Variants in SFI1 observed in about 807,000 individuals in gnomAD.
SFI1 encodes protein SFI1 homolog.
SFI1 carries 195 observed loss-of-function variants against 207.5 expected under a neutral mutation model. The observed-to-expected ratio is 0.94, with a 90% confidence interval of 0.84 to 1.06. The LOEUF (loss-of-function observed/expected upper bound fraction) is 1.06, where lower values mean the gene tolerates loss of function less well. Ranked by LOEUF, SFI1 falls within the 50% of genes least tolerant of loss-of-function variation. The pLI, the probability that SFI1 is intolerant of heterozygous loss-of-function variation, is 0.00. For synonymous variants in SFI1, 630 were observed against 598.9 expected (o/e 1.05, Z -0.76); for missense variants, 1,634 against 1,588.0 (o/e 1.03, Z -0.49).
intron 7 of SFI1, among the ~76,000 whole-genome samples, chr22:31,559,041 A>G (rs1411936397): frequency 6.6e-6 from 1 of 151,740 alleles, no homozygotes; most frequent in Non-Finnish European, 1.5e-5. Context: ...TCCTGACCTC[A>G]GATGATCCAC....
intron 14 of SFI1, among the ~76,000 whole-genome samples, chr22:31,589,234 G>A (rs1603244404): frequency 7.3e-6 from 1 of 136,254 alleles, no homozygotes. Flanking sequence ...GTGTGTGTGT[G>A]TAGAAATGTT....
chr22:31,554,766 C>G (rs2060998982), intron 6 of SFI1, among the ~76,000 whole-genome samples: 1 of 151,992 alleles, frequency 6.6e-6, no homozygotes, highest in African/African-American at 2.4e-5. Flanking sequence ...GCCACCACGC[C>G]CGGCTAATTT....
intron 15 of SFI1, among the ~76,000 whole-genome samples, chr22:31,595,959 TG>T (rs2067039959): frequency 2.0e-5 from 3 of 152,278 alleles, no homozygotes; most frequent in Admixed American, 2.0e-4. Flanking sequence ...ATCTTTAATC[TG>T]GAGGATTTCA....
rs758952604 is a variant in SFI1 at position 31,614,797 on chromosome 22, C to G, written c.3005C>G (p.Ala1002Gly). Residue 1002 changes from alanine to glycine, a missense_variant, in exon 28 of 33, where the codon GCC becomes GGC. By Grantham distance (60) the Ala-to-Gly change is moderately conservative. Coordinates refer to ENST00000400288, the MANE Select transcript of SFI1 (RefSeq NM_001007467.3). ...EEPHALELNT[A>G]HSARKQPRRP... Reference sequence around the variant, plus strand: ...CCCATGTTTCTTTCCAGCAACACTGCCCACTCAGCGAGGAAGCAGCCGCGA... The same window carrying G: ...CCCATGTTTCTTTCCAGCAACACTGGCCACTCAGCGAGGAAGCAGCCGCGA... 1.9e-6 allele frequency: 3 copies of G among 1,613,892 alleles called. No individual in the cohort carries two copies. The Admixed American group carries it at 5.0e-5, about 27-fold the overall frequency.
At chr22:31,574,778 C>T (rs1187991733) in intron 9 of SFI1, among the ~76,000 whole-genome samples, 1 of 151,940 alleles carries the variant, frequency 6.6e-6, no homozygotes, top group East Asian at 1.9e-4. Context: ...GTATTTTGGC[C>T]GGGCGCGGTG....
rs1169314189 is a variant in SFI1 at position 31,578,432 on chromosome 22, C to T, written c.1135C>T (p.His379Tyr). The T allele has an allele frequency of 6.2e-7, 1 of 1,613,494 alleles. No individual in the cohort carries two copies. The highest frequency in any genetic ancestry group is 8.5e-7 in the Non-Finnish European group (1 of 1,179,718). Residue 379 changes from histidine (H) to tyrosine (Y), a missense_variant, in exon 11 of 33, where the codon CAC (histidine) becomes TAC (tyrosine). Physicochemically the swap from His to Tyr is moderately conservative, Grantham distance 83. Coordinates refer to ENST00000400288, the MANE Select transcript of SFI1 (RefSeq NM_001007467.3). ...TGCCCAGTTTGAGATGGCAGAAGAG[C>T]ACCACAGGCACAGCCAGCTGGTAAG... ...EAAQFEMAEE[H>Y]HRHSQLYFCF...
intron 2 of SFI1, among the ~76,000 whole-genome samples, chr22:31,515,016 A>C (rs2056286092): frequency 6.6e-6 from 1 of 151,930 alleles, no homozygotes; most frequent in Admixed American, 6.6e-5. Flanking sequence ...ATGATTGCCC[A>C]CCTCAGCCTC....
At chr22:31,537,827 G>A (rs2059132768) in intron 4 of SFI1, among the ~76,000 whole-genome samples, 1 of 152,102 alleles carries the variant, frequency 6.6e-6, no homozygotes, top group South Asian at 2.1e-4. Context: ...GGAACATTGG[G>A]CATCCTGATC....
chr22:31,599,483 C>T (rs1480626006), intron 15 of SFI1, among the ~76,000 whole-genome samples: 4 of 152,216 alleles, frequency 2.6e-5, no homozygotes, highest in South Asian at 2.1e-4. Context: ...CACGCCACCA[C>T]GCCCAGCTAA....
chr22:31,568,080 G>T (rs540204044), intron 8 of SFI1, among the ~76,000 whole-genome samples: 92 of 150,468 alleles, frequency 6.1e-4, no homozygotes, highest in Non-Finnish European at 9.0e-4. Flanking sequence ...CAATAGAAAA[G>T]AAAAGATTAC....
intron 4 of SFI1, among the ~76,000 whole-genome samples, chr22:31,540,791 A>G (rs1350569792): frequency 3.3e-5 from 5 of 150,834 alleles, no homozygotes; most frequent in Admixed American, 1.3e-4. Flanking sequence ...CATGTTGGCC[A>G]GGCCGGTCTC....
chr22:31,572,336 T>C (rs930968502), intron 8 of SFI1, among the ~76,000 whole-genome samples: 1 of 152,154 alleles, frequency 6.6e-6, no homozygotes, highest in Non-Finnish European at 1.5e-5. Context: ...TTATAGACCC[T>C]TGTAGACCCT....
intron 19 of SFI1, 87 bp from the exon 20 acceptor site, chr22:31,604,782 C>T: frequency 2.4e-6 from 3 of 1,239,442 alleles, no homozygotes; most frequent in Non-Finnish European, 3.4e-6. Context: ...GGCATGGCAG[C>T]CTTGTGGTAG....
At chr22:31,582,201 ACATTTT>A (rs1229434544) in intron 12 of SFI1, among the ~76,000 whole-genome samples, 3 of 13,044 alleles carry the variant, frequency 2.3e-4, no homozygotes, top group Non-Finnish European at 4.7e-4. Flanking sequence ...CTTCTTTATT[ACATTTT>A]ATATATATAT....
In SFI1 at chr22:31,572,279, C is replaced by T. The variant is rs572961826; in HGVS notation, c.766-779C>T. 4.1e-4 allele frequency among the ~76,000 whole-genome samples: 63 copies of T among 152,174 alleles called. 1 individual carries two copies. In the South Asian group the frequency reaches 8.3e-3, roughly 20 times the overall value. ...AAAGATATGAAGTCTTTGTCTAAGT[C>T]GTCTTCAGATTAGGACATGCATTAT... On this transcript the variant is annotated intron_variant, in intron 8 of 32. Coordinates refer to ENST00000400288, the MANE Select transcript of SFI1 (RefSeq NM_001007467.3).
chr22:31,607,381 T>C (rs1164951285), intron 21 of SFI1, among the ~76,000 whole-genome samples: 1 of 152,006 alleles, frequency 6.6e-6, no homozygotes, highest in African/African-American at 2.4e-5. Flanking sequence ...GTCGGGTGGA[T>C]CACTTGGGGT....
chr22:31,580,904 A>G (rs1187529587), intron 12 of SFI1, among the ~76,000 whole-genome samples: 1 of 151,944 alleles, frequency 6.6e-6, no homozygotes, highest in African/African-American at 2.4e-5. Flanking sequence ...GTTTGATCCC[A>G]TTTTTTTATC....
chr22:31,497,032 G>T (rs1229377610), intron 1 of SFI1, among the ~76,000 whole-genome samples: 2 of 152,232 alleles, frequency 1.3e-5, no homozygotes, highest in African/African-American at 4.8e-5. Flanking sequence ...AGGAGCGGAA[G>T]GGCTGGTATA....
intron 12 of SFI1, 71 bp from the exon 13 acceptor site, chr22:31,583,804 T>C: frequency 7.4e-7 from 1 of 1,357,904 alleles, no homozygotes. Context: ...GCTCACAGTC[T>C]GTTGGAGTAA....
Sources: gnomAD v4.1 joint callset for allele counts (sites outside exome capture counted in the v4.1 genomes callset) on GRCh38, gnomAD v4.1.1 for gene constraint, MANE v1.5 for transcripts, NCBI Gene and HGNC (gene_info 2026-07-23, HGNC 2026-07-21) for gene names.